The following TP53INP1 variants were observed in gnomAD, a reference collection of about 807,000 sequenced individuals.
The protein encoded by TP53INP1 is tumor protein p53 inducible nuclear protein 1.
Under a neutral mutation model 21.0 loss-of-function variants are expected in TP53INP1, and 12 were observed. The observed-to-expected ratio is 0.57, with a 90% confidence interval of 0.37 to 0.93. The LOEUF is 0.93. TP53INP1 is among the 40% of genes least tolerant of loss of function. The pLI, the probability that TP53INP1 is intolerant of heterozygous loss-of-function variation, is 0.01. For synonymous variants in TP53INP1, 91 were observed against 94.8 expected, an observed-to-expected ratio of 0.96 and a Z score of 0.23; for missense variants, 274 against 294.7, an observed-to-expected ratio of 0.93 and a Z score of 0.51.
At position 94,949,349 on chromosome 8, in the gene TP53INP1, G is replaced by A. The variant is rs981804440; in HGVS notation, c.-346C>T. 6.6e-6 allele frequency: 1 copy of A among 151,042 alleles called. No homozygotes were observed. The highest frequency in any genetic ancestry group is 2.4e-5 in the African/African-American group (1 of 41,270). The allele number at this position is 151,042 out of a possible 1,614,324, so 9.4% of individuals were successfully genotyped here. A position where few individuals can be genotyped will look rare whatever the true frequency, so the allele number is the denominator to read the frequency against. ...GCTGCGCCCAGGCCGGCCAGTCCAA[G>A]TCCTTTTGTTGTTGTGCAGCGCTCG... On this transcript the variant is annotated 5_prime_UTR_variant, in exon 1 of 4. Transcript: ENST00000342697.
Position 94,930,669 on chromosome 8 carries a change from G to T in TP53INP1, c.533C>A (p.Ala178Asp). The change falls in exon 4 of 4, where the codon GCT (alanine) becomes GAT (aspartate). Residue 178 changes from alanine (A) to aspartate (D), a missense_variant. Transcript: ENST00000342697. ...HIHCYVAALA[A>D]HTTFLEQPKS... ...GGGTTGTTCCAGAAAAGTTGTATGA[G>T]CAGCAAGAGCTGCAACATAACAATG... 6.2e-7 allele frequency: 1 copy of T among 1,614,202 alleles called. No individual in the cohort carries two copies.
At chr8:94,934,630 C>G (rs1481803175) in intron 3 of TP53INP1, among the ~76,000 whole-genome samples, 1 of 152,002 alleles carries the variant, frequency 6.6e-6, no homozygotes, top group Non-Finnish European at 1.5e-5. Flanking sequence ...TCCACCCACC[C>G]CAGCCTCCCA....
chr8:94,942,198 G>A (rs1334229792), intron 1 of TP53INP1, among the ~76,000 whole-genome samples: 3 of 151,814 alleles, frequency 2.0e-5, no homozygotes, highest in African/African-American at 7.3e-5. Context: ...CACCACATCC[G>A]GCTAATTTCT....
chr8:94,945,964 T>C (rs1252064021), intron 1 of TP53INP1, among the ~76,000 whole-genome samples: 3 of 152,004 alleles, frequency 2.0e-5, no homozygotes, highest in Admixed American at 6.6e-5. Context: ...AAGACCTCCA[T>C]CCCTCCCTTT....
chr8:94,926,763 T>C lies in TP53INP1; in HGVS notation c.*3716A>G, dbSNP rs1002909077. On this transcript the variant is annotated 3_prime_UTR_variant, in exon 4 of 4. Transcript: ENST00000342697. ...CCTCATCTGCATGTTTTCCAGTACC[T>C]CTTTCTCCACCCTAAACAGTTGAAA... The C allele has an allele frequency of 1.3e-5, 2 of 152,248 alleles. No homozygotes were observed. The highest frequency in any genetic ancestry group is 4.8e-5 in the African/African-American group (2 of 41,476). The allele number at this position is 152,248 out of a possible 1,614,324, so 9.4% of individuals were successfully genotyped here.
At chr8:94,936,481 T>C (rs910678708) in intron 3 of TP53INP1, among the ~76,000 whole-genome samples, 1 of 152,194 alleles carries the variant, frequency 6.6e-6, no homozygotes, top group African/African-American at 2.4e-5. Flanking sequence ...AGCATCTTGT[T>C]TGGAAGGATG....
At position 94,930,292 on chromosome 8, in the gene TP53INP1, AAG is replaced by A. The variant is rs1820263092; in HGVS notation, c.*185_*186del. On this transcript the variant is annotated 3_prime_UTR_variant, in exon 4 of 4. Transcript: ENST00000342697. ...AAGTGTACAAAAAAAGTAAATGTTAAAGGCAAGGCATTATGTGATACACAGCA... is the reference window on the plus strand; with the variant it reads ...AAGTGTACAAAAAAAGTAAATGTTAAGCAAGGCATTATGTGATACACAGCA... 5 of 718,352 alleles carry A rather than the reference AAG, an allele frequency of 7.0e-6. No homozygotes were observed. Among genetic ancestry groups the A allele is most frequent in the Non-Finnish European group, 8.8e-6 (4 of 456,068 alleles). 44.5% of individuals were successfully genotyped at this position (718,352 alleles called of 1,614,324 possible). A position where few individuals can be genotyped will look rare whatever the true frequency, so the allele number is the denominator to read the frequency against.
At chr8:94,947,787 A>C (rs1283017630) in intron 1 of TP53INP1, among the ~76,000 whole-genome samples, 7 of 152,370 alleles carry the variant, frequency 4.6e-5, no homozygotes, top group African/African-American at 1.7e-4. Flanking sequence ...CAATGGCAGG[A>C]AAGAACAAAA....
rs573643864 is a variant in TP53INP1, at chr8:94,941,595, C to T, written c.-150-504G>A. 1.3e-3 allele frequency among the ~76,000 whole-genome samples: 200 copies of T among 152,350 alleles called. 2 individuals carry two copies. In the South Asian group the frequency reaches 0.019, roughly 15 times the overall value. Reference sequence around the variant, plus strand: ...AAAATCTGTAAGCCCAGCAAGCATACTTTGACCTTCTAAACAATTCCTACA... The same window carrying T: ...AAAATCTGTAAGCCCAGCAAGCATATTTTGACCTTCTAAACAATTCCTACA... On this transcript the variant is annotated intron_variant, in intron 1 of 3. Transcript: ENST00000342697.
rs1048386441 is a variant in TP53INP1, at chr8:94,941,898, C to T, written c.-150-807G>A. Reference sequence around the variant, plus strand: ...CATTTCTACCTGGCTACCTGATGGGCGTATCAAACCAAACACATACCAAAG... The same window carrying T: ...CATTTCTACCTGGCTACCTGATGGGTGTATCAAACCAAACACATACCAAAG... On this transcript the variant is annotated intron_variant, in intron 1 of 3. Coordinates refer to ENST00000342697, the MANE Select transcript of TP53INP1 (RefSeq NM_033285.4). 2.0e-5 allele frequency among the ~76,000 whole-genome samples: 3 copies of T among 152,146 alleles called. No homozygotes were observed. In the East Asian group the frequency reaches 5.8e-4, roughly 29 times the overall value.
At position 94,930,736 on chromosome 8, in the gene TP53INP1, A is replaced by AGAAAAAAGT; in HGVS notation, c.474-17_474-9dup. The AGAAAAAAGT allele has an allele frequency of 6.2e-7, 1 of 1,612,898 alleles. No homozygotes were observed. The highest frequency in any genetic ancestry group is 8.5e-7 in the Non-Finnish European group (1 of 1,179,384). On this transcript the variant is annotated splice_polypyrimidine_tract_variant and intron_variant, in intron 3 of 3. Coordinates refer to ENST00000342697, the MANE Select transcript of TP53INP1 (RefSeq NM_033285.4). ...TCATTTTGAGCTTCCACTCTGAAAC[A>AGAAAAAAGT]GAAAAAAGTGGGGATGTATTAAATA...
In TP53INP1 at chr8:94,928,722, C is replaced by G. The variant is rs1563717829; in HGVS notation, c.*1757G>C. 6.6e-6 allele frequency: 1 copy of G among 152,234 alleles called. No homozygotes were observed. Among genetic ancestry groups the G allele is most frequent in the Non-Finnish European group, 1.5e-5 (1 of 68,034 alleles). 9.4% of individuals were successfully genotyped at this position (152,234 alleles called of 1,614,324 possible). A position where few individuals can be genotyped will look rare whatever the true frequency, so the allele number is the denominator to read the frequency against. On this transcript the variant is annotated 3_prime_UTR_variant, in exon 4 of 4. Coordinates refer to ENST00000342697, the MANE Select transcript of TP53INP1 (RefSeq NM_033285.4). ...ATCTCACTACACATTTGACGTCTTC[C>G]ACTCCAAACGCTCTAATCTAGTCAG...
chr8:94,946,993 T>C (rs1822075280), intron 1 of TP53INP1, among the ~76,000 whole-genome samples: 2 of 152,154 alleles, frequency 1.3e-5, no homozygotes, highest in Non-Finnish European at 2.9e-5. Context: ...ACTTAATAAT[T>C]AGAGCTACAA....
intron 3 of TP53INP1, among the ~76,000 whole-genome samples, chr8:94,935,644 T>G (rs1820907201): frequency 6.6e-6 from 1 of 152,138 alleles, no homozygotes; most frequent in Admixed American, 6.5e-5. Context: ...GTCGGGGTGG[T>G]GAAGATAAAT....
At chr8:94,946,661 C>A (rs1268124907) in intron 1 of TP53INP1, among the ~76,000 whole-genome samples, 1 of 125,856 alleles carries the variant, frequency 7.9e-6, no homozygotes, top group East Asian at 2.5e-4. Context: ...CCCACCACTA[C>A]ACTCCAGCCT....
At chr8:94,932,208 T>C in intron 3 of TP53INP1, 1 of 1,323,542 alleles carries the variant, frequency 7.6e-7, no homozygotes, top group East Asian at 2.5e-5. Context: ...AAAACTGGTT[T>C]ACTATGTGCC....
intron 1 of TP53INP1, among the ~76,000 whole-genome samples, chr8:94,943,596 C>T (rs1216210889): frequency 6.6e-6 from 1 of 152,218 alleles, no homozygotes; most frequent in African/African-American, 2.4e-5. Flanking sequence ...CAACTTCAGG[C>T]TCCTGACAGT....
chr8:94,932,751 C>T (rs1453022412), intron 3 of TP53INP1, among the ~76,000 whole-genome samples: 2 of 152,010 alleles, frequency 1.3e-5, no homozygotes, highest in Non-Finnish European at 2.9e-5. Context: ...TGCAGTGAGC[C>T]GAGATAGCGC....
intron 1 of TP53INP1, among the ~76,000 whole-genome samples, chr8:94,945,140 T>C (rs955787068): frequency 3.3e-5 from 5 of 152,240 alleles, no homozygotes; most frequent in African/African-American, 1.2e-4. Context: ...ATTTAGTTTT[T>C]TGAAAACTTT....
Sources: gnomAD v4.1 joint callset for allele counts (sites outside exome capture counted in the v4.1 genomes callset) on GRCh38, gnomAD v4.1.1 for gene constraint, MANE v1.5 for transcripts, NCBI Gene and HGNC (gene_info 2026-07-23, HGNC 2026-07-21) for gene names.